The following CEP83 variants were observed in gnomAD, a reference collection of about 807,000 sequenced individuals.
The protein encoded by CEP83 is centrosomal protein 83.
A neutral mutation model predicts 101.9 loss-of-function variants in CEP83; 70 were observed. The ratio of observed to expected loss-of-function variants is 0.69; its 90% CI spans 0.57 to 0.84. The LOEUF is 0.84. Ranked by LOEUF, CEP83 falls within the 40% of genes least tolerant of loss-of-function variation. CEP83 has a pLI of 0.00. For missense variants in CEP83, 715 were observed against 787.2 expected (o/e 0.91, Z 1.10); for synonymous variants, 264 against 267.9 (o/e 0.99, Z 0.14).
intron 11 of CEP83, among the ~76,000 whole-genome samples, chr12:94,361,906 G>A (rs1030718539): frequency 6.6e-6 from 1 of 152,050 alleles, no homozygotes; most frequent in Non-Finnish European, 1.5e-5. Context: ...TCACCATGTT[G>A]GTCAGGCTGG....
chr12:94,358,264 C>G (rs546066065), intron 11 of CEP83, among the ~76,000 whole-genome samples: 3 of 152,190 alleles, frequency 2.0e-5, no homozygotes, highest in Admixed American at 1.3e-4. Flanking sequence ...ATGGGGAGCA[C>G]AAGTTCTAAT....
chr12:94,333,773 A>G lies in CEP83; in HGVS notation c.1420-134T>C, dbSNP rs2059339271. 5.5e-6 allele frequency: 4 copies of G among 720,998 alleles called. No homozygotes were observed. In the East Asian group the frequency reaches 1.1e-4, roughly 20 times the overall value. The allele number at this position is 720,998 out of a possible 1,614,324, so 44.7% of individuals were successfully genotyped here. A position where few individuals can be genotyped will look rare whatever the true frequency, so the allele number is the denominator to read the frequency against. ...TGGTGTGTCCTTGGAGATGACCCCT[A>G]AAGGAAATAACAAATAGCAGCACCC... On this transcript the variant is annotated intron_variant, in intron 12 of 16. Coordinates refer to ENST00000397809, the MANE Select transcript of CEP83 (RefSeq NM_016122.3).
intron 11 of CEP83, among the ~76,000 whole-genome samples, chr12:94,341,136 G>A (rs1471912291): frequency 6.6e-6 from 1 of 152,122 alleles, no homozygotes; most frequent in Non-Finnish European, 1.5e-5. Flanking sequence ...CAGCGGAGCA[G>A]CCTTTTGAAA....
At chr12:94,458,314 C>T (rs549207613) in intron 1 of CEP83, among the ~76,000 whole-genome samples, 29 of 152,222 alleles carry the variant, frequency 1.9e-4, no homozygotes, top group African/African-American at 6.7e-4. Context: ...ATACAGTCCG[C>T]GCACTTCATC....
chr12:94,423,202 C>T (rs2064903210), intron 2 of CEP83, among the ~76,000 whole-genome samples: 1 of 152,158 alleles, frequency 6.6e-6, no homozygotes, highest in African/African-American at 2.4e-5. Flanking sequence ...CTCCTGCCTC[C>T]ACCTCCCAAG....
At chr12:94,455,629 C>T (rs1187169572) in intron 1 of CEP83, among the ~76,000 whole-genome samples, 2 of 152,140 alleles carry the variant, frequency 1.3e-5, no homozygotes, top group African/African-American at 4.8e-5. Context: ...AAGGGAATGG[C>T]CAGGTTTAGG....
intron 1 of CEP83, among the ~76,000 whole-genome samples, chr12:94,458,895 T>G (rs1275165178): frequency 1.3e-5 from 2 of 152,250 alleles, no homozygotes; most frequent in Non-Finnish European, 2.9e-5. Flanking sequence ...TACCTTTAAT[T>G]GTGTTTTAGT....
intron 1 of CEP83, among the ~76,000 whole-genome samples, chr12:94,450,822 C>T (rs1470529242): frequency 6.6e-6 from 1 of 152,188 alleles, no homozygotes; most frequent in Non-Finnish European, 1.5e-5. Flanking sequence ...ATCCTACAAA[C>T]ATCAGATGTG....
At chr12:94,305,559 G>C (rs541050340), downstream of CEP83, 2 of 362,640 alleles carry the variant, frequency 5.5e-6, no homozygotes, top group East Asian at 9.9e-5. Context: ...GCCAGTAAGC[G>C]AATGTCAGTA....
chr12:94,370,086 C>A, intron 8 of CEP83, 50 bp from the exon 9 acceptor site: 1 of 1,004,152 alleles, frequency 1.0e-6, no homozygotes. Flanking sequence ...TCTTGCCATT[C>A]AATACTTACC....
At chr12:94,412,645 T>G (rs1003173935) in intron 2 of CEP83, 54 bp from the exon 3 acceptor site, 1 of 528,166 alleles carries the variant, frequency 1.9e-6, no homozygotes, top group Middle Eastern at 3.4e-4. Context: ...AACGTAAGCC[T>G]CCTTTAATGT....
At chr12:94,339,528 T>A (rs2059591546) in intron 11 of CEP83, among the ~76,000 whole-genome samples, 1 of 152,232 alleles carries the variant, frequency 6.6e-6, no homozygotes, top group East Asian at 1.9e-4. Context: ...GTTTCAACAG[T>A]CATCTGTGAC....
chr12:94,290,899 AAGG>A, the CEP83 span, among the ~76,000 whole-genome samples: 3 of 152,352 alleles, frequency 2.0e-5, no homozygotes, highest in South Asian at 6.2e-4. Flanking sequence ...TTCCAGAATG[AAGG>A]AGATTTGTGG....
chr12:94,282,244 T>C, the CEP83 span: 1 of 1,224,778 alleles, frequency 8.2e-7, no homozygotes, highest in East Asian at 2.3e-5. Context: ...TTTGTGAAAG[T>C]AAAGTGGTGG....
At chr12:94,319,173 T>C (rs563830952) in intron 14 of CEP83, among the ~76,000 whole-genome samples, 2 of 152,338 alleles carry the variant, frequency 1.3e-5, no homozygotes, top group African/African-American at 4.8e-5. Context: ...CTGTCTCTTC[T>C]AGCTTTGTTA....
Position 94,371,373 on chromosome 12 carries a change from T to C in CEP83, c.934-1337A>G, listed in dbSNP as rs1187240634. Among the ~76,000 whole-genome samples, 4 of 152,196 alleles carry C rather than the reference T, an allele frequency of 2.6e-5. No individual in the cohort carries two copies. In the East Asian group the frequency reaches 7.7e-4, roughly 29 times the overall value. ...GTGTAATGTGTATAGACTGTGTCTGTGTGCGCATGTGCACAAGTATTAGGT... is the reference window on the plus strand; with the variant it reads ...GTGTAATGTGTATAGACTGTGTCTGCGTGCGCATGTGCACAAGTATTAGGT... On this transcript the variant is annotated intron_variant, in intron 8 of 16. Coordinates refer to ENST00000397809, the MANE Select transcript of CEP83 (RefSeq NM_016122.3).
In CEP83 at chr12:94,314,059, C is replaced by T. The variant is rs148195241; in HGVS notation, c.1708-1042G>A. On this transcript the variant is annotated intron_variant, in intron 14 of 16. Transcript: ENST00000397809. Reference sequence around the variant, plus strand: ...GTAAATCTTGTATGGTTTCATTAAACAATACGGAAAAGTCCAGGTAAAATG... The same window carrying T: ...GTAAATCTTGTATGGTTTCATTAAATAATACGGAAAAGTCCAGGTAAAATG... Among the ~76,000 whole-genome samples the T allele has an allele frequency of 7.8e-4, 119 of 151,958 alleles. 1 individual carries two copies. The East Asian group carries it at 0.022, about 28-fold the overall frequency.
chr12:94,437,071 G>A (rs1036183732), intron 1 of CEP83, among the ~76,000 whole-genome samples: 6 of 151,938 alleles, frequency 3.9e-5, no homozygotes, highest in Admixed American at 2.0e-4. Context: ...TTGGCCAGGC[G>A]TGGTGGCTCA....
chr12:94,315,244 T>C lies in CEP83; in HGVS notation c.1708-2227A>G, dbSNP rs187879446. On this transcript the variant is annotated intron_variant, in intron 14 of 16. Transcript: ENST00000397809. ...GCTGTTCTACATTTTTGCCAGTACTTGGTATGGTCGGTCTTTTAGCTTTTG... is the reference window on the plus strand; with the variant it reads ...GCTGTTCTACATTTTTGCCAGTACTCGGTATGGTCGGTCTTTTAGCTTTTG... Among the ~76,000 whole-genome samples, 6 of 152,312 alleles carry C rather than the reference T, an allele frequency of 3.9e-5. No homozygotes were observed. In the East Asian group the frequency reaches 5.8e-4, roughly 15 times the overall value.
Sources: allele counts gnomAD v4.1 joint callset (sites outside exome capture counted in the v4.1 genomes callset), GRCh38; gene constraint gnomAD v4.1.1; transcripts MANE v1.5; gene names NCBI Gene and HGNC (gene_info 2026-07-23, HGNC 2026-07-21).